The following LONP2 variants were observed in gnomAD, a reference collection of about 807,000 sequenced individuals.
LONP2 encodes lon peptidase 2, peroxisomal, also known as lon protease homolog 2, peroxisomal.
LONP2 carries 60 observed loss-of-function variants against 85.6 expected under a neutral mutation model. The ratio of observed to expected loss-of-function variants is 0.70; its 90% CI spans 0.57 to 0.87. LONP2 has a LOEUF of 0.87. LONP2 is among the 40% of genes least tolerant of loss of function. The pLI, the probability that LONP2 is intolerant of heterozygous loss-of-function variation, is 0.00. For synonymous variants in LONP2, 395 were observed against 389.7 expected (o/e 1.01, Z -0.16); for missense variants, 860 against 1,063.5 (o/e 0.81, Z 2.66).
intron 12 of LONP2, chr16:48,345,983 G>C (rs1027200500): frequency 6.7e-6 from 1 of 149,924 alleles, no homozygotes; most frequent in East Asian, 1.9e-4. Context: ...GGCGGAGGTT[G>C]CATTGAGCCA....
chr16:48,255,289 A>G (rs74016343), intron 2 of LONP2, among the ~76,000 whole-genome samples: 1,860 of 152,222 alleles, frequency 0.012, 40 homozygotes, highest in African/African-American at 0.042. Context: ...CCTTATCTCT[A>G]AGGCAGGAAA....
chr16:48,263,505 G>T (rs769580154), intron 6 of LONP2, among the ~76,000 whole-genome samples: 10 of 152,164 alleles, frequency 6.6e-5, no homozygotes, highest in Non-Finnish European at 2.9e-5. Flanking sequence ...TAACCTAGAG[G>T]TCCATCCATG....
At chr16:48,272,202 CAGG>C (rs1444277788) in intron 7 of LONP2, among the ~76,000 whole-genome samples, 2 of 152,198 alleles carry the variant, frequency 1.3e-5, no homozygotes, top group Non-Finnish European at 2.9e-5. Context: ...AATAAATTCT[CAGG>C]AGGACAAATT....
chr16:48,272,574 C>T (rs1972127009), intron 7 of LONP2, among the ~76,000 whole-genome samples: 1 of 152,086 alleles, frequency 6.6e-6, no homozygotes, highest in African/African-American at 2.4e-5. Flanking sequence ...TTACAATCAC[C>T]ATTGCCTAAA....
In LONP2 at chr16:48,356,567, T is replaced by C. The variant is rs1218881183; in HGVS notation, c.*4765T>C. On this transcript the variant is annotated 3_prime_UTR_variant, in exon 15 of 15. Coordinates refer to ENST00000285737, the MANE Select transcript of LONP2 (RefSeq NM_031490.5). Reference sequence around the variant, plus strand: ...TTAGTCATTATCCAATTTGATGATTTATGGTCCAACACTAATGCTCATTTT... The same window carrying C: ...TTAGTCATTATCCAATTTGATGATTCATGGTCCAACACTAATGCTCATTTT... 5.8e-6 allele frequency: 1 copy of C among 173,588 alleles called. No homozygotes were observed. Among genetic ancestry groups the C allele is most frequent in the Middle Eastern group, 8.4e-4 (1 of 1,194 alleles). 10.8% of individuals were successfully genotyped at this position (173,588 alleles called of 1,614,324 possible).
chr16:48,257,584 TAA>T (rs1453831283), intron 3 of LONP2, among the ~76,000 whole-genome samples: 1 of 148,622 alleles, frequency 6.7e-6, no homozygotes, highest in Non-Finnish European at 1.5e-5. Flanking sequence ...TGTAATACTT[TAA>T]GTTTTCTTGC....
At chr16:48,248,562 A>G (rs995965171) in intron 1 of LONP2, among the ~76,000 whole-genome samples, 3 of 152,128 alleles carry the variant, frequency 2.0e-5, no homozygotes, top group African/African-American at 7.2e-5. Flanking sequence ...CCTATATCCA[A>G]ATGGGTAGTT....
intron 14 of LONP2, 85 bp downstream of exon 14, chr16:48,348,375 T>C (rs968414246): frequency 1.2e-6 from 1 of 867,908 alleles, no homozygotes; most frequent in Non-Finnish European, 1.6e-6. Context: ...GTTTGCCTTC[T>C]TTCTATGAAA....
chr16:48,360,403 T>G (rs929956364), downstream of LONP2: 1 of 152,068 alleles, frequency 6.6e-6, no homozygotes, highest in Non-Finnish European at 1.5e-5. Context: ...TTGCTGTGAT[T>G]AGAGTTAAGT....
intron 11 of LONP2, among the ~76,000 whole-genome samples, chr16:48,326,960 TCCCCAG>T (rs1959253375): frequency 2.0e-5 from 3 of 152,200 alleles, no homozygotes; most frequent in Admixed American, 2.0e-4. Context: ...GCCTGGTCCT[TCCCCAG>T]AGGAGTCTGT....
At chr16:48,260,304 A>C (rs551043863) in intron 4 of LONP2, among the ~76,000 whole-genome samples, 2 of 152,244 alleles carry the variant, frequency 1.3e-5, no homozygotes, top group African/African-American at 2.4e-5. Flanking sequence ...CAGGTTAAAA[A>C]ATAAGTTCTG....
chr16:48,322,821 G>A (rs1477382376), intron 11 of LONP2, among the ~76,000 whole-genome samples: 1 of 152,168 alleles, frequency 6.6e-6, no homozygotes, highest in East Asian at 1.9e-4. Context: ...GTATGTAATT[G>A]TACGTGCTGT....
At chr16:48,347,893 C>T (rs1397679924) in intron 13 of LONP2, among the ~76,000 whole-genome samples, 179 bp downstream of exon 13, 1 of 152,214 alleles carries the variant, frequency 6.6e-6, no homozygotes. Context: ...GAACTAGAAA[C>T]TAATTCAAAA....
chr16:48,279,003 T>G (rs1209339484), intron 8 of LONP2, among the ~76,000 whole-genome samples: 2 of 152,140 alleles, frequency 1.3e-5, no homozygotes, highest in Non-Finnish European at 2.9e-5. Context: ...TCAAAAACTT[T>G]CTCTGCATGT....
Position 48,287,510 on chromosome 16 carries a change from C to A in LONP2, c.1384-8505C>A, listed in dbSNP as rs184722272. On this transcript the variant is annotated intron_variant, in intron 8 of 14. Coordinates refer to ENST00000285737, the MANE Select transcript of LONP2 (RefSeq NM_031490.5). ...TAAAACTGTTCTCACAGAGTGTTCT[C>A]TGAGTTAAGTCAAATAAGGATATGG... Among the ~76,000 whole-genome samples, 4 of 152,334 alleles carry A rather than the reference C, an allele frequency of 2.6e-5. No individual in the cohort carries two copies. The East Asian group carries it at 7.7e-4, about 29-fold the overall frequency.
intron 11 of LONP2, among the ~76,000 whole-genome samples, chr16:48,303,549 T>C (rs1458518086): frequency 6.6e-6 from 1 of 152,210 alleles, no homozygotes; most frequent in African/African-American, 2.4e-5. Flanking sequence ...ATATAGGAAC[T>C]GTATTAGGGT....
intron 12 of LONP2, among the ~76,000 whole-genome samples, chr16:48,340,929 G>C (rs1959790878): frequency 6.6e-6 from 1 of 151,984 alleles, no homozygotes; most frequent in East Asian, 1.9e-4. Flanking sequence ...AAAAAACAAA[G>C]AACCACCTGA....
At chr16:48,266,242 T>G (rs1971987337) in intron 6 of LONP2, among the ~76,000 whole-genome samples, 1 of 151,998 alleles carries the variant, frequency 6.6e-6, no homozygotes, top group African/African-American at 2.4e-5. Context: ...TGACCTCAAG[T>G]GATCCACCTG....
chr16:48,311,503 T>A (rs1973031071), intron 11 of LONP2, among the ~76,000 whole-genome samples: 1 of 151,876 alleles, frequency 6.6e-6, no homozygotes, highest in Non-Finnish European at 1.5e-5. Context: ...TTTCCAGGAG[T>A]TCTGTTTGGT....
Sources: gnomAD v4.1 joint callset for allele counts (sites outside exome capture counted in the v4.1 genomes callset) on GRCh38, gnomAD v4.1.1 for gene constraint, MANE v1.5 for transcripts, NCBI Gene and HGNC (gene_info 2026-07-23, HGNC 2026-07-21) for gene names.